PPIP5K2: variants seen among roughly 807,000 people sequenced by gnomAD.
The protein encoded by PPIP5K2 is diphosphoinositol pentakisphosphate kinase 2.
A neutral mutation model predicts 154.6 loss-of-function variants in PPIP5K2; 105 were observed. That is an observed-to-expected ratio of 0.68 (90% CI 0.58 to 0.80). The LOEUF (loss-of-function observed/expected upper bound fraction) is 0.80. PPIP5K2 is among the 30% of genes least tolerant of loss of function. The pLI, the probability that PPIP5K2 is intolerant of heterozygous loss-of-function variation, is 0.00. For missense variants in PPIP5K2, 992 were observed against 1,504.6 expected (o/e 0.66, Z 5.64); for synonymous variants, 480 against 490.3 (o/e 0.98, Z 0.28).
At chr5:103,193,826 A>G (rs1363018358) in intron 29 of PPIP5K2, among the ~76,000 whole-genome samples, 1 of 152,138 alleles carries the variant, frequency 6.6e-6, no homozygotes, top group Non-Finnish European at 1.5e-5. Flanking sequence ...GCAGTCTAGA[A>G]GCTCATGCCA....
In PPIP5K2 at chr5:103,167,043, C is replaced by G. The variant is rs1580301257; in HGVS notation, c.1921-136C>G. On this transcript the variant is annotated intron_variant, in intron 17 of 30. Transcript: ENST00000358359. ...GTTCAAACCTGTGGTGTTCAAGGGTCAACTGTATTTTGTGGTCATTTTAAT... is the reference window on the plus strand; with the variant it reads ...GTTCAAACCTGTGGTGTTCAAGGGTGAACTGTATTTTGTGGTCATTTTAAT... 7 of 605,462 alleles carry G rather than the reference C, an allele frequency of 1.2e-5. No individual in the cohort carries two copies. The East Asian group carries it at 2.3e-4, about 20-fold the overall frequency. 37.5% of individuals were successfully genotyped at this position (605,462 alleles called of 1,614,324 possible).
rs1803689860 is a variant in PPIP5K2 at position 103,209,506 on chromosome 5, T to G, written c.*7872T>G. On this transcript the variant is annotated 3_prime_UTR_variant, in exon 31 of 31. Transcript: ENST00000358359. ...CCATTGTGTGACCCAGGTAGGATAGTGGATGTACAGTTTAGATACCCATTT... is the reference window on the plus strand; with the variant it reads ...CCATTGTGTGACCCAGGTAGGATAGGGGATGTACAGTTTAGATACCCATTT... 6.6e-6 allele frequency: 1 copy of G among 152,132 alleles called. No homozygotes were observed. Among genetic ancestry groups the G allele is most frequent in the Admixed American group, 6.6e-5 (1 of 15,266 alleles). The allele number at this position is 152,132 out of a possible 1,614,324, so 9.4% of individuals were successfully genotyped here.
chr5:103,143,913 A>T (rs1793283562), intron 5 of PPIP5K2, among the ~76,000 whole-genome samples: 1 of 152,204 alleles, frequency 6.6e-6, no homozygotes, highest in Admixed American at 6.5e-5. Flanking sequence ...TTTATTCAAC[A>T]TAATACTGGA....
rs781871452 is a variant in PPIP5K2, at chr5:103,177,955, A to G, written c.2729A>G (p.Tyr910Cys). 2.4e-5 allele frequency: 38 copies of G among 1,607,980 alleles called. No individual in the cohort carries two copies. The highest frequency in any genetic ancestry group is 4.0e-5 in the African/African-American group (3 of 74,770). The change falls in exon 23 of 31, where the codon TAT (tyrosine) becomes TGT (cysteine). Residue 910 changes from tyrosine to cysteine, a missense_variant. This residue lies in a region of PPIP5K2 where 157 missense variants were observed against 281.2 expected (regional missense o/e 0.56). Coordinates refer to ENST00000358359, the MANE Select transcript of PPIP5K2 (RefSeq NM_001276277.3). ...GAAGACAAAAATTTGCCATCTGGCTATGGATATAGACCAGCTTCCAGAGAG... is the reference window on the plus strand; with the variant it reads ...GAAGACAAAAATTTGCCATCTGGCTGTGGATATAGACCAGCTTCCAGAGAG... ...CEEDKNLPSG[Y>C]GYRPASRENE... is the part of the protein sequence containing the mutation.
chr5:103,167,293 C>A lies in PPIP5K2; in HGVS notation c.2035C>A (p.His679Asn). The A allele has an allele frequency of 6.3e-7, 1 of 1,589,374 alleles. No homozygotes were observed. Among genetic ancestry groups the A allele is most frequent in the African/African-American group, 1.4e-5 (1 of 73,676 alleles). Residue 679 changes from histidine to asparagine, a missense_variant, in exon 18 of 31, where the codon CAT becomes AAT. Transcript: ENST00000358359. Reference protein sequence around the residue: ...LIQSLTSQIRHRMEDPKSSDI... With the variant: ...LIQSLTSQIRNRMEDPKSSDI... ...TCAGAGTTTGACTTCTCAAATCAGA[C>A]ATCGAATGGAAGATCCTAAATCATC... is the stretch of plus-strand genomic sequence containing the variant.
intron 18 of PPIP5K2, among the ~76,000 whole-genome samples, chr5:103,167,837 T>C (rs1404393567): frequency 6.6e-6 from 1 of 151,952 alleles, no homozygotes; most frequent in Non-Finnish European, 1.5e-5. Context: ...ATTGTTGCTC[T>C]TTTTCTTCTT....
chr5:103,161,945 C>T (rs1796332528), intron 17 of PPIP5K2, among the ~76,000 whole-genome samples: 1 of 151,932 alleles, frequency 6.6e-6, no homozygotes, highest in South Asian at 2.1e-4. Context: ...TGTGCAGAAG[C>T]TCTTGAGTTT....
intron 1 of PPIP5K2, among the ~76,000 whole-genome samples, chr5:103,128,956 T>C (rs1330338152): frequency 1.3e-5 from 2 of 152,184 alleles, no homozygotes; most frequent in African/African-American, 4.8e-5. Context: ...CATTCAGATA[T>C]TTCATAACTA....
intron 5 of PPIP5K2, 45 bp from the exon 6 acceptor site, chr5:103,146,482 T>G (rs782504431): frequency 6.3e-7 from 1 of 1,579,920 alleles, no homozygotes; most frequent in Admixed American, 1.8e-5. Context: ...CCTGATAATA[T>G]AATAAGAATA....
chr5:103,152,501 C>T, intron 9 of PPIP5K2, 147 bp from the exon 10 acceptor site: 1 of 531,712 alleles, frequency 1.9e-6, no homozygotes, highest in Non-Finnish European at 3.4e-6. Flanking sequence ...TTTATTTTTT[C>T]TTGATCAGAA....
chr5:103,184,498 A>G (rs1315760636), intron 25 of PPIP5K2, 174 bp from the exon 26 acceptor site: 3 of 515,120 alleles, frequency 5.8e-6, no homozygotes, highest in African/African-American at 3.9e-5. Flanking sequence ...ACCTCATGAA[A>G]TGGACTCCCT....
intron 27 of PPIP5K2, 49 bp downstream of exon 27, chr5:103,186,488 A>G (rs1554225128): frequency 2.5e-6 from 4 of 1,604,848 alleles, no homozygotes; most frequent in Non-Finnish European, 2.6e-6. Flanking sequence ...CCATGCACAC[A>G]CCCATGAGCA....
chr5:103,133,794 T>A, intron 3 of PPIP5K2, 146 bp downstream of exon 3: 1 of 601,340 alleles, frequency 1.7e-6, no homozygotes, highest in Non-Finnish European at 2.5e-6. Flanking sequence ...GATATATTTC[T>A]TTCCAGTGTT....
rs947118778 is a variant in PPIP5K2 at position 103,209,196 on chromosome 5, A to C, written c.*7562A>C. 1 of 152,186 alleles carries C rather than the reference A, an allele frequency of 6.6e-6. No individual in the cohort carries two copies. Among genetic ancestry groups the C allele is most frequent in the Non-Finnish European group, 1.5e-5 (1 of 68,044 alleles). 9.4% of individuals were successfully genotyped at this position (152,186 alleles called of 1,614,324 possible). ...GTTGTATATAGTCCAGATGTCAACC[A>C]GGCCTCTTCAGCATTTTTATAGTCA... On this transcript the variant is annotated 3_prime_UTR_variant, in exon 31 of 31. Coordinates refer to ENST00000358359, the MANE Select transcript of PPIP5K2 (RefSeq NM_001276277.3).
rs781900696 is a variant in PPIP5K2 at position 103,158,240 on chromosome 5, A to G, written c.1542A>G (p.Glu514=). 3 of 1,614,052 alleles carry G rather than the reference A, an allele frequency of 1.9e-6. No homozygotes were observed. The highest frequency in any genetic ancestry group is 1.7e-6 in the Non-Finnish European group (2 of 1,179,908). The change falls in exon 15 of 31, where the codon GAA becomes GAG. Residue 514 remains glutamate, a synonymous_variant. Transcript: ENST00000358359. The part of the protein sequence containing the change: ...SLLLVLKWGG[E]LTPAGRVQAE... ...TTTTGGTTCTAAAATGGGGAGGTGA[A>G]TTAACTCCTGCAGGCAGGGTCCAGG...
rs369819866 is a variant in PPIP5K2 at position 103,180,135 on chromosome 5, C to A, written c.2869C>A (p.His957Asn). 6 of 1,603,892 alleles carry A rather than the reference C, an allele frequency of 3.7e-6. No individual in the cohort carries two copies. The change falls in exon 24 of 31, where the codon CAT becomes AAT. Residue 957 changes from histidine (H) to asparagine (N), a missense_variant. Physicochemically the swap from His to Asn is moderately conservative, Grantham distance 68. Around this residue, in one of 9 missense-constraint regions of PPIP5K2, gnomAD observed 204 missense variants for 224.0 expected, o/e 0.91. Transcript: ENST00000358359. ...LFKPMVSEPI[H>N]IHRKSPLPRS... ...TAAACCAATGGTATCAGAGCCAATT[C>A]ATATACACAGGAAGTCTCCACTTCC...
intron 29 of PPIP5K2, among the ~76,000 whole-genome samples, chr5:103,192,133 G>A (rs991171314): frequency 6.6e-6 from 1 of 151,934 alleles, no homozygotes; most frequent in African/African-American, 2.4e-5. Context: ...TGGTAGTAGA[G>A]GCCAGCTTTC....
intron 28 of PPIP5K2, chr5:103,188,686 C>T (rs1189961160): frequency 6.6e-6 from 1 of 152,132 alleles, no homozygotes; most frequent in African/African-American, 2.4e-5. Context: ...TAAGAAGAGA[C>T]ATTGCAGGTT....
At position 103,204,282 on chromosome 5, in the gene PPIP5K2, T is replaced by C. The variant is rs1050609452; in HGVS notation, c.*2648T>C. Reference sequence around the variant, plus strand: ...ACATAGTGTACAGTGTTTATTAACTTTACATCATTTTATCCTTGCCTTACT... The same window carrying C: ...ACATAGTGTACAGTGTTTATTAACTCTACATCATTTTATCCTTGCCTTACT... On this transcript the variant is annotated 3_prime_UTR_variant, in exon 31 of 31. Transcript: ENST00000358359. 6.6e-6 allele frequency: 1 copy of C among 152,148 alleles called. No individual in the cohort carries two copies. The highest frequency in any genetic ancestry group is 2.4e-5 in the African/African-American group (1 of 41,436). 9.4% of individuals were successfully genotyped at this position (152,148 alleles called of 1,614,324 possible).
Sources: gnomAD v4.1 joint callset for allele counts (sites outside exome capture counted in the v4.1 genomes callset) on GRCh38, gnomAD v4.1.1 for gene constraint, gnomAD v4.1.1 regional missense constraint, MANE v1.5 for transcripts, NCBI Gene and HGNC (gene_info 2026-07-23, HGNC 2026-07-21) for gene names.